The following GRIK1 variants were observed in gnomAD, a reference collection of about 807,000 sequenced individuals.
GRIK1 encodes the protein glutamate receptor ionotropic, kainate 1.
GRIK1 carries 69 observed loss-of-function variants against 105.7 expected under a neutral mutation model. The observed-to-expected ratio is 0.65, with a 90% CI of 0.54 to 0.80. The LOEUF is 0.80. Ranked by LOEUF, GRIK1 falls within the 30% of genes least tolerant of loss-of-function variation. The probability of loss-of-function intolerance (pLI) is 0.00; values close to 1 mark genes in which losing one functional copy is unlikely to be tolerated. For synonymous variants in GRIK1, 438 were observed against 431.3 expected, an observed-to-expected ratio of 1.02 and a Z score of -0.19; for missense variants, 1,109 against 1,167.3, an observed-to-expected ratio of 0.95 and a Z score of 0.73.
chr21:29,668,379 G>T (rs910497222), intron 4 of GRIK1, among the ~76,000 whole-genome samples: 6 of 152,148 alleles, frequency 3.9e-5, no homozygotes, highest in African/African-American at 1.4e-4. Context: ...GAAGACTTAG[G>T]TGGGAATGAC....
chr21:29,549,111 G>A (rs1237533667), intron 16 of GRIK1, among the ~76,000 whole-genome samples: 2 of 152,162 alleles, frequency 1.3e-5, no homozygotes, highest in African/African-American at 2.4e-5. Flanking sequence ...ACAGGTGTGA[G>A]CCACCACTAC....
intron 4 of GRIK1, among the ~76,000 whole-genome samples, chr21:29,655,332 T>C (rs566612926): frequency 5.9e-5 from 9 of 151,928 alleles, no homozygotes; most frequent in Non-Finnish European, 1.0e-4. Context: ...CGCTTGAACC[T>C]GGGAGGCGGA....
intron 1 of GRIK1, among the ~76,000 whole-genome samples, chr21:29,917,046 G>A (rs184170812): frequency 6.6e-5 from 10 of 152,056 alleles, no homozygotes; most frequent in Admixed American, 6.6e-4. Flanking sequence ...ACATGCTTCT[G>A]ATGTTTTTCT....
chr21:29,879,645 G>GT (rs1370625103), intron 1 of GRIK1, among the ~76,000 whole-genome samples: 4 of 151,882 alleles, frequency 2.6e-5, no homozygotes, highest in Admixed American at 6.6e-5. Context: ...TGTTATTGCT[G>GT]TTTTTTTCCC....
At chr21:29,907,842 T>C (rs1286507353) in intron 1 of GRIK1, among the ~76,000 whole-genome samples, 1 of 152,128 alleles carries the variant, frequency 6.6e-6, no homozygotes, top group Non-Finnish European at 1.5e-5. Flanking sequence ...TCTTACTTTA[T>C]CATTAGAAAC....
chr21:29,583,213 C>T (rs370302094), intron 12 of GRIK1, among the ~76,000 whole-genome samples: 14 of 152,050 alleles, frequency 9.2e-5, no homozygotes, highest in East Asian at 7.7e-4. Flanking sequence ...AATGCCATGC[C>T]AACACATTTT....
At chr21:29,776,222 G>A (rs973749573) in intron 1 of GRIK1, among the ~76,000 whole-genome samples, 1 of 152,216 alleles carries the variant, frequency 6.6e-6, no homozygotes, top group Non-Finnish European at 1.5e-5. Flanking sequence ...TGCAATTCAA[G>A]ATGAGATTTT....
intron 16 of GRIK1, among the ~76,000 whole-genome samples, chr21:29,543,457 T>C (rs1009640483): frequency 6.6e-6 from 1 of 152,170 alleles, no homozygotes; most frequent in African/African-American, 2.4e-5. Flanking sequence ...AAGGAGATTT[T>C]TGGAGTAGTT....
chr21:29,538,762 A>G (rs751129857), intron 16 of GRIK1, among the ~76,000 whole-genome samples: 1 of 152,160 alleles, frequency 6.6e-6, no homozygotes, highest in Non-Finnish European at 1.5e-5. Context: ...TTTGCAAAGT[A>G]CTAAACATCT....
chr21:29,559,991 T>C (rs1449754681), intron 15 of GRIK1, among the ~76,000 whole-genome samples: 1 of 152,168 alleles, frequency 6.6e-6, no homozygotes, highest in Non-Finnish European at 1.5e-5. Flanking sequence ...TGCTCACTTA[T>C]GGTATCTGCT....
intron 1 of GRIK1, among the ~76,000 whole-genome samples, chr21:29,703,123 C>A (rs1057195462): frequency 6.6e-6 from 1 of 152,190 alleles, no homozygotes; most frequent in African/African-American, 2.4e-5. Context: ...TTGTACTGTA[C>A]AACACATTGA....
At chr21:29,690,419 G>A (rs2063564123) in intron 2 of GRIK1, among the ~76,000 whole-genome samples, 1 of 152,198 alleles carries the variant, frequency 6.6e-6, no homozygotes, top group African/African-American at 2.4e-5. Flanking sequence ...AATTAATGTA[G>A]AACCTCTCGG....
intron 1 of GRIK1, among the ~76,000 whole-genome samples, chr21:29,911,831 C>A (rs1021178418): frequency 6.6e-6 from 1 of 152,036 alleles, no homozygotes; most frequent in Non-Finnish European, 1.5e-5. Context: ...CTTGGACTTC[C>A]CAGCCTCTAG....
intron 7 of GRIK1, among the ~76,000 whole-genome samples, chr21:29,603,779 G>A (rs1000421437): frequency 1.7e-4 from 26 of 152,182 alleles, no homozygotes; most frequent in Non-Finnish European, 1.2e-4. Flanking sequence ...CTTTGGTTGA[G>A]TGGAAATCTC....
Position 29,581,548 on chromosome 21 carries a change from G to A in GRIK1, c.1794-5C>T. ...TACCACTCGTAGGGTGTAAACCTGT[G>A]GTAGTTAACAGAAACAGTCTGTAAA... On this transcript the variant is annotated splice_polypyrimidine_tract_variant and splice_region_variant and intron_variant, in intron 12 of 17. Transcript: ENST00000327783. 1 of 1,509,618 alleles carries A rather than the reference G, an allele frequency of 6.6e-7. No individual in the cohort carries two copies. Among genetic ancestry groups the A allele is most frequent in the Non-Finnish European group, 9.2e-7 (1 of 1,085,738 alleles). 93.5% of individuals were successfully genotyped at this position (1,509,618 alleles called of 1,614,324 possible).
intron 16 of GRIK1, among the ~76,000 whole-genome samples, chr21:29,542,030 A>C (rs1201710514): frequency 1.0e-4 from 9 of 86,114 alleles, no homozygotes; most frequent in Non-Finnish European, 2.7e-4. Flanking sequence ...AAAATAATGT[A>C]GAGTGTGTGT....
intron 6 of GRIK1, among the ~76,000 whole-genome samples, chr21:29,647,253 A>C: frequency 6.6e-6 from 1 of 152,256 alleles, no homozygotes; most frequent in South Asian, 2.1e-4. Context: ...TCTGTAGAGT[A>C]ACACTGTAAG....
chr21:29,883,218 A>G (rs2069490003), intron 1 of GRIK1, among the ~76,000 whole-genome samples: 1 of 152,152 alleles, frequency 6.6e-6, no homozygotes, highest in South Asian at 2.1e-4. Flanking sequence ...TCTACAAAAT[A>G]TTTCTAGTTA....
chr21:29,922,586 A>G (rs1295010166), intron 1 of GRIK1, among the ~76,000 whole-genome samples: 3 of 152,168 alleles, frequency 2.0e-5, no homozygotes, highest in Non-Finnish European at 4.4e-5. Context: ...ATTGGAAGCA[A>G]CCTAAATGAA....
Sources: gnomAD v4.1 joint callset for allele counts (sites outside exome capture counted in the v4.1 genomes callset) on GRCh38, gnomAD v4.1.1 for gene constraint, MANE v1.5 for transcripts, NCBI Gene and HGNC (gene_info 2026-07-23, HGNC 2026-07-21) for gene names.